Variants in OTUD7A observed in about 807,000 individuals in gnomAD.
OTUD7A encodes OTU domain-containing protein 7A.
In OTUD7A, 12 loss-of-function variants were observed where a neutral mutation model predicts 65.7. The ratio of observed to expected loss-of-function variants is 0.18; its 90% confidence interval spans 0.12 to 0.30. The LOEUF (loss-of-function observed/expected upper bound fraction) is 0.30. Ranked by LOEUF, OTUD7A falls within the 10% of genes least tolerant of loss-of-function variation. The probability of loss-of-function intolerance (pLI) is 1.00; values close to 1 mark genes in which losing one functional copy is unlikely to be tolerated. For missense variants in OTUD7A, 1,148 were observed against 1,304.8 expected (o/e 0.88, Z 1.85); for synonymous variants, 641 against 586.3 (o/e 1.09, Z -1.35).
chr15:31,750,224 A>T (rs1219097656), intron 1 of OTUD7A, among the ~76,000 whole-genome samples: 1 of 152,138 alleles, frequency 6.6e-6, no homozygotes, highest in East Asian at 1.9e-4. Context: ...CCTGGCCAAC[A>T]TGGTGAAAGC....
chr15:31,852,048 G>A (rs151234984), intron 1 of OTUD7A, among the ~76,000 whole-genome samples: 311 of 152,228 alleles, frequency 2.0e-3, no homozygotes, highest in Middle Eastern at 6.8e-3. Context: ...TAGTAGAGAC[G>A]GGGTTTCACC....
At chr15:31,870,373 C>G (rs918485120) in intron 1 of OTUD7A, 134 bp downstream of exon 1, 7 of 146,686 alleles carry the variant, frequency 4.8e-5, no homozygotes, top group African/African-American at 1.7e-4. Flanking sequence ...GTCGCCCGGC[C>G]TCAACGCCCA....
intron 10 of OTUD7A, among the ~76,000 whole-genome samples, chr15:31,496,330 TC>T (rs1274556575): frequency 7.9e-5 from 12 of 152,106 alleles, no homozygotes; most frequent in Middle Eastern, 3.4e-3. Context: ...CATGCCATTC[TC>T]CTGCCTCAGC....
chr15:31,778,059 G>A (rs935550919), intron 1 of OTUD7A, among the ~76,000 whole-genome samples: 2 of 152,144 alleles, frequency 1.3e-5, no homozygotes, highest in African/African-American at 4.8e-5. Flanking sequence ...GTCTCCAGAA[G>A]AGGCCTGGGC....
At chr15:31,622,650 T>C (rs1187674598) in intron 3 of OTUD7A, among the ~76,000 whole-genome samples, 1 of 152,244 alleles carries the variant, frequency 6.6e-6, no homozygotes, top group East Asian at 1.9e-4. Context: ...TTGGTTATTC[T>C]AGCTAGCCAT....
intron 1 of OTUD7A, among the ~76,000 whole-genome samples, chr15:31,739,388 A>G (rs1369650860): frequency 2.0e-5 from 3 of 152,240 alleles, no homozygotes; most frequent in Non-Finnish European, 4.4e-5. Flanking sequence ...TTAATGAAAT[A>G]AAATGAAATG....
intron 1 of OTUD7A, among the ~76,000 whole-genome samples, chr15:31,854,970 C>A (rs1376293623): frequency 6.6e-6 from 1 of 151,858 alleles, no homozygotes; most frequent in Non-Finnish European, 1.5e-5. Context: ...AGGCAATCAA[C>A]CCCAGAGATA....
rs201356235 is a variant in OTUD7A at position 31,689,900 on chromosome 15, AGGGAACCTCAAAGTGAG to A, written c.-99-32840_-99-32824del. Reference sequence around the variant, plus strand: ...GAGAAGTTCTGGGGGTGTGATCTGCAGGGAACCTCAAAGTGAGGGGGCTGTTCATGTTCCACACAGTG... The same window carrying A: ...GAGAAGTTCTGGGGGTGTGATCTGCAGGGGCTGTTCATGTTCCACACAGTG... On this transcript the variant is annotated intron_variant, in intron 1 of 12. Coordinates refer to ENST00000307050, the MANE Select transcript of OTUD7A (RefSeq NM_001382637.1). 8.9e-4 allele frequency among the ~76,000 whole-genome samples: 135 copies of A among 152,344 alleles called. 5 individuals are homozygous for A. The East Asian group carries it at 0.012, about 14-fold the overall frequency.
intron 1 of OTUD7A, among the ~76,000 whole-genome samples, chr15:31,684,440 T>C (rs1237852349): frequency 6.6e-6 from 1 of 152,140 alleles, no homozygotes; most frequent in Non-Finnish European, 1.5e-5. Context: ...ATATTCATAA[T>C]CTCACCATTT....
At position 31,870,553 on chromosome 15, in the gene OTUD7A, C is replaced by A; in HGVS notation, c.-146G>T. 1 of 148,568 alleles carries A rather than the reference C, an allele frequency of 6.7e-6. No homozygotes were observed. Among genetic ancestry groups the A allele is most frequent in the South Asian group, 1.9e-4 (1 of 5,198 alleles). 9.2% of individuals were successfully genotyped at this position (148,568 alleles called of 1,614,324 possible). ...CTCCGCCAGCCCGCAGCGCCGCAGT[C>A]GCCGCTACCCGACTTCCATTTTCTC... On this transcript the variant is annotated 5_prime_UTR_variant, in exon 1 of 13. Transcript: ENST00000307050.
intron 1 of OTUD7A, among the ~76,000 whole-genome samples, chr15:31,812,865 A>T (rs1896455882): frequency 6.6e-6 from 1 of 152,188 alleles, no homozygotes; most frequent in Non-Finnish European, 1.5e-5. Context: ...AGGACCCTTG[A>T]TCTTAACATG....
chr15:31,601,251 AC>A (rs1188617429), intron 3 of OTUD7A, among the ~76,000 whole-genome samples: 9 of 152,210 alleles, frequency 5.9e-5, no homozygotes, highest in African/African-American at 2.2e-4. Flanking sequence ...GGAAATCATA[AC>A]AAACAGTCTC....
At chr15:31,546,876 T>C (rs976859142) in intron 5 of OTUD7A, among the ~76,000 whole-genome samples, 2 of 152,208 alleles carry the variant, frequency 1.3e-5, no homozygotes, top group African/African-American at 4.8e-5. Context: ...ACTTAACCCA[T>C]TCATGATTCC....
At chr15:31,768,324 G>A in intron 1 of OTUD7A, 1 of 614,080 alleles carries the variant, frequency 1.6e-6, no homozygotes. Context: ...AGCATAGAGG[G>A]CTGCGTGGAT....
chr15:31,548,426 C>T (rs1028376314), intron 5 of OTUD7A, among the ~76,000 whole-genome samples: 3 of 152,004 alleles, frequency 2.0e-5, no homozygotes, highest in Non-Finnish European at 2.9e-5. Flanking sequence ...GAATGGGTCA[C>T]GTGGCAGAAA....
At chr15:31,738,853 C>T (rs188546219) in intron 1 of OTUD7A, among the ~76,000 whole-genome samples, 191 of 152,274 alleles carry the variant, frequency 1.3e-3, no homozygotes, top group African/African-American at 3.5e-3. Flanking sequence ...CTTCAGCGGA[C>T]GATTTTAAAC....
intron 6 of OTUD7A, among the ~76,000 whole-genome samples, chr15:31,529,644 T>TCCATC (rs1236452478): frequency 6.6e-6 from 1 of 152,204 alleles, no homozygotes; most frequent in East Asian, 1.9e-4. Flanking sequence ...TCCCTTGTTC[T>TCCATC]CCATCCTCCT....
intron 3 of OTUD7A, among the ~76,000 whole-genome samples, chr15:31,603,417 T>C (rs1890142128): frequency 6.6e-6 from 1 of 152,178 alleles, no homozygotes; most frequent in East Asian, 1.9e-4. Flanking sequence ...CTGGACCCCT[T>C]CCTTACACCT....
chr15:31,789,672 G>C (rs921466887), intron 1 of OTUD7A, among the ~76,000 whole-genome samples: 3 of 151,700 alleles, frequency 2.0e-5, no homozygotes, highest in African/African-American at 7.3e-5. Context: ...TACTGGGAGG[G>C]GCAGAGGTAG....
Sources: allele counts gnomAD v4.1 joint callset (sites outside exome capture counted in the v4.1 genomes callset), GRCh38; gene constraint gnomAD v4.1.1; transcripts MANE v1.5; gene names NCBI Gene and HGNC (gene_info 2026-07-23, HGNC 2026-07-21).